Variants in HSF2 observed in about 807,000 individuals in gnomAD.
HSF2 encodes heat shock transcription factor 2.
Under a neutral mutation model 65.0 loss-of-function variants are expected in HSF2, and 21 were observed. That is an observed-to-expected ratio of 0.32 (90% confidence interval 0.23 to 0.47). HSF2 has a LOEUF of 0.47. HSF2 is among the 20% of genes least tolerant of loss of function. The probability of loss-of-function intolerance (pLI) is 1.00; values close to 1 mark genes in which losing one functional copy is unlikely to be tolerated. For missense variants in HSF2, 499 were observed against 628.1 expected (o/e 0.79, Z 2.20); for synonymous variants, 225 against 219.1 (o/e 1.03, Z -0.24).
intron 9 of HSF2, among the ~76,000 whole-genome samples, chr6:122,423,175 A>G (rs1046158887): frequency 2.6e-5 from 4 of 152,134 alleles, no homozygotes; most frequent in Admixed American, 2.6e-4. Flanking sequence ...CTTTGATGAT[A>G]TACTTCCTTT....
intron 1 of HSF2, among the ~76,000 whole-genome samples, chr6:122,411,781 T>G (rs1774001405): frequency 6.6e-6 from 1 of 151,900 alleles, no homozygotes; most frequent in African/African-American, 2.4e-5. Flanking sequence ...ATCTATATGT[T>G]TGTCAGTATG....
intron 8 of HSF2, among the ~76,000 whole-genome samples, 155 bp from the exon 9 acceptor site, chr6:122,422,563 A>G (rs933325366): frequency 6.6e-6 from 1 of 152,186 alleles, no homozygotes; most frequent in Non-Finnish European, 1.5e-5. Context: ...CTTCTATACT[A>G]TGAAGTACCA....
chr6:122,422,597 C>CA (rs1774261515), intron 8 of HSF2, 121 bp from the exon 9 acceptor site: 2 of 1,025,682 alleles, frequency 1.9e-6, no homozygotes, highest in Non-Finnish European at 2.9e-6. Context: ...GCTGCTCGCT[C>CA]AAGAAATTTA....
intron 4 of HSF2, 114 bp from the exon 5 acceptor site, chr6:122,416,107 A>G (rs182156586): frequency 1.5e-6 from 1 of 654,266 alleles, no homozygotes; most frequent in Admixed American, 2.8e-5. Context: ...TCATAAATAC[A>G]TATAGTAAAA....
chr6:122,412,933 T>TA lies in HSF2; in HGVS notation c.330+183dup, dbSNP rs375000491. 3.6e-3 allele frequency among the ~76,000 whole-genome samples: 508 copies of TA among 140,794 alleles called. 1 individual carries two copies. The highest frequency in any genetic ancestry group is 9.8e-3 in the African/African-American group (377 of 38,514). The allele number at this position is 140,794 out of a possible 152,430, so 92.4% of individuals were successfully genotyped here. On this transcript the variant is annotated intron_variant, in intron 3 of 12. Coordinates refer to ENST00000368455, the MANE Select transcript of HSF2 (RefSeq NM_004506.4). Reference sequence around the variant, plus strand: ...CCTGTATTTTTTTCCTAAGTTAGCTTAAAAAAAAAAAAAAGTTTAAGTTCC... The same window carrying TA: ...CCTGTATTTTTTTCCTAAGTTAGCTTAAAAAAAAAAAAAAAGTTTAAGTTCC...
At position 122,399,730 on chromosome 6, in the gene HSF2, C is replaced by A; in HGVS notation, c.-8C>A. The A allele has an allele frequency of 6.2e-7, 1 of 1,608,662 alleles. No individual in the cohort carries two copies. The highest frequency in any genetic ancestry group is 8.5e-7 in the Non-Finnish European group (1 of 1,177,242). On this transcript the variant is annotated 5_prime_UTR_variant, in exon 1 of 13. Transcript: ENST00000368455. ...TGTAGAATTTGGAATCCCTGCGCCG[C>A]GTTAACAATGAAGCAGAGTTCGAAC...
chr6:122,406,079 T>C (rs1009024463), intron 1 of HSF2, among the ~76,000 whole-genome samples: 3 of 152,188 alleles, frequency 2.0e-5, no homozygotes, highest in Non-Finnish European at 4.4e-5. Context: ...TCTTGTAATA[T>C]CTCTCTTTTA....
intron 11 of HSF2, 41 bp downstream of exon 11, chr6:122,427,997 A>G: frequency 7.4e-7 from 1 of 1,360,078 alleles, no homozygotes; most frequent in African/African-American, 1.5e-5. Flanking sequence ...ATAGCTATAA[A>G]AATCTACAAA....
intron 1 of HSF2, among the ~76,000 whole-genome samples, chr6:122,406,138 A>G (rs1238024096): frequency 6.6e-6 from 1 of 152,228 alleles, no homozygotes; most frequent in African/African-American, 2.4e-5. Context: ...AAAGAAAGAT[A>G]TTTATTTAAG....
chr6:122,400,062 C>T (rs942169838), intron 1 of HSF2, among the ~76,000 whole-genome samples: 1 of 152,074 alleles, frequency 6.6e-6, no homozygotes, highest in African/African-American at 2.4e-5. Flanking sequence ...AGGGGCGGCC[C>T]GCGCGGGGCG....
At position 122,432,469 on chromosome 6, in the gene HSF2, AT is replaced by A; in HGVS notation, c.*254del. 1 of 374,984 alleles carries A rather than the reference AT, an allele frequency of 2.7e-6. No individual in the cohort carries two copies. The highest frequency in any genetic ancestry group is 2.1e-5 in the African/African-American group (1 of 47,786). The allele number at this position is 374,984 out of a possible 1,614,324, so 23.2% of individuals were successfully genotyped here. On this transcript the variant is annotated 3_prime_UTR_variant, in exon 13 of 13. Transcript: ENST00000368455. The stretch of plus-strand genomic sequence containing the variant: ...ATCTTTAAGTTGGATTCAAATGGCC[AT>A]TTTTCTCCAATTTTGGTAAATTGGA...
intron 11 of HSF2, among the ~76,000 whole-genome samples, chr6:122,429,194 T>A (rs1425478799): frequency 6.6e-6 from 1 of 152,064 alleles, no homozygotes; most frequent in Non-Finnish European, 1.5e-5. Context: ...TATTACTGAA[T>A]GTTATTCTCA....
chr6:122,427,023 G>A (rs1166900371), intron 10 of HSF2, among the ~76,000 whole-genome samples: 1 of 151,802 alleles, frequency 6.6e-6, no homozygotes, highest in Non-Finnish European at 1.5e-5. Flanking sequence ...TATTCTCCAG[G>A]TACTGATATA....
At position 122,399,821 on chromosome 6, in the gene HSF2, CT is replaced by C; in HGVS notation, c.85del (p.Trp29GlyfsTer34). 1 of 1,611,682 alleles carries C rather than the reference CT, an allele frequency of 6.2e-7. No individual in the cohort carries two copies. Reference sequence around the variant, plus strand: ...AAACCCACACTAACGAGTTCATCACCTGGAGCCAGGTACGGTCAGGCCACGG... The same window carrying C: ...AAACCCACACTAACGAGTTCATCACCGGAGCCAGGTACGGTCAGGCCACGG... ...EETHTNEFIT[W>X]SQNGQSFLVL... On this transcript the variant is annotated frameshift_variant, in exon 1 of 13. Transcript: ENST00000368455. LOFTEE classifies it high-confidence loss of function.
intron 1 of HSF2, among the ~76,000 whole-genome samples, chr6:122,410,331 G>T (rs997852327): frequency 1.3e-5 from 2 of 151,496 alleles, no homozygotes; most frequent in Admixed American, 1.3e-4. Flanking sequence ...TAAAGTTCCT[G>T]TATATTTTTA....
chr6:122,431,547 G>GT (rs1334917079), intron 12 of HSF2, 33 bp downstream of exon 12: 7 of 1,260,344 alleles, frequency 5.6e-6, no homozygotes, highest in African/African-American at 1.5e-5. Context: ...GTCTCTGTAG[G>GT]TTTTTTTAAT....
At chr6:122,416,051 A>G (rs529855391) in intron 4 of HSF2, among the ~76,000 whole-genome samples, 170 bp from the exon 5 acceptor site, 1 of 152,266 alleles carries the variant, frequency 6.6e-6, no homozygotes, top group Admixed American at 6.5e-5. Flanking sequence ...GAGTTGTGTC[A>G]AGGTAGTTGT....
upstream of HSF2, chr6:122,399,612 G>T (rs115726791): frequency 1.7e-4 from 125 of 734,110 alleles, no homozygotes; most frequent in Admixed American, 2.7e-4. Context: ...GCGGGGTTGG[G>T]GGGGCGGGGA....
At chr6:122,413,385 C>G (rs1453936883) in intron 3 of HSF2, 140 bp from the exon 4 acceptor site, 2 of 610,096 alleles carry the variant, frequency 3.3e-6, no homozygotes, top group Non-Finnish European at 5.7e-6. Flanking sequence ...TTATTCTTTC[C>G]CTAGCATTTC....
Sources: allele counts gnomAD v4.1 joint callset (sites outside exome capture counted in the v4.1 genomes callset), GRCh38; gene constraint gnomAD v4.1.1; transcripts MANE v1.5; gene names NCBI Gene and HGNC (gene_info 2026-07-23, HGNC 2026-07-21).